Variants in NRK observed in about 807,000 individuals in gnomAD.
The protein encoded by NRK is nik-related protein kinase.
A neutral mutation model predicts 125.2 loss-of-function variants in NRK; 67 were observed. That is an observed-to-expected ratio of 0.54 (90% confidence interval 0.44 to 0.66). The LOEUF is 0.66. Ranked by LOEUF, NRK falls within the 30% of genes least tolerant of loss-of-function variation. The probability of loss-of-function intolerance (pLI) is 0.00; values close to 1 mark genes in which losing one functional copy is unlikely to be tolerated. For missense variants in NRK, 1,224 were observed against 1,192.9 expected (o/e 1.03, Z -0.38); for synonymous variants, 458 against 429.0 (o/e 1.07, Z -0.84).
chrX:105,946,295 A>G lies in NRK; in HGVS notation c.4204-20A>G. The G allele has an allele frequency of 8.5e-7, 1 of 1,175,899 alleles. No individual in the cohort carries two copies. The highest frequency in any genetic ancestry group is 1.1e-6 in the Non-Finnish European group (1 of 873,798). ...ATGTCATTTTTGGCCTTTTGGCCAT[A>G]TTTGGTTTTATATTCACAGGTATTT... On this transcript the variant is annotated intron_variant, in intron 25 of 28. Transcript: ENST00000243300.
In NRK at chrX:105,922,072, A is replaced by G. The variant is rs751343672; in HGVS notation, c.2610+11A>G. The G allele has an allele frequency of 9.4e-6, 8 of 854,375 alleles. 1 individual carries two copies. The South Asian group carries it at 1.8e-4, about 19-fold the overall frequency. 70.4% of individuals were successfully genotyped at this position (854,375 alleles called of 1,213,427 possible). A position where few individuals can be genotyped will look rare whatever the true frequency, so the allele number is the denominator to read the frequency against. On this transcript the variant is annotated intron_variant, in intron 17 of 28. Transcript: ENST00000243300. ...CTGGTTGACATCCATGTAAGTTTCC[A>G]TCTTAACACATTAATGTCTATTATT...
rs1163929107 is a variant in NRK at position 105,909,812 on chromosome X, G to A, written c.2171G>A (p.Arg724Lys). 8.5e-7 allele frequency: 1 copy of A among 1,182,153 alleles called. No individual in the cohort carries two copies. Among genetic ancestry groups the A allele is most frequent in the Non-Finnish European group, 1.1e-6 (1 of 878,845 alleles). Reference sequence around the variant, plus strand: ...GAACTCTCGGATTTAGAAGCCCGCAGGCAAAGGCGCCAACGCAGATGGGAA... The same window carrying A: ...GAACTCTCGGATTTAGAAGCCCGCAAGCAAAGGCGCCAACGCAGATGGGAA... The part of the protein sequence containing the change: ...KLELSDLEAR[R>K]QRRQRRWEDI... The change falls in exon 13 of 29, where the codon AGG becomes AAG. Residue 724 changes from arginine to lysine, a missense_variant. Physicochemically the swap from Arg to Lys is conservative, Grantham distance 26 (BLOSUM62 2). Coordinates refer to ENST00000243300, the MANE Select transcript of NRK (RefSeq NM_198465.4).
At chrX:105,898,793 A>T in intron 8 of NRK, 79 bp downstream of exon 8, 1 of 854,191 alleles carries the variant, frequency 1.2e-6, no homozygotes, top group Non-Finnish European at 1.6e-6. Flanking sequence ...ATGATAAAAC[A>T]AAAAATAAAA....
Position 105,881,764 on chromosome X carries a change from T to G in NRK, c.237T>G (p.Val79=), listed in dbSNP as rs201160604. ...GAGTGAATAAATATCAAAAATCTGTTGGGTGGAGATACAGTGTGAGTACTA... is the reference window on the plus strand; with the variant it reads ...GAGTGAATAAATATCAAAAATCTGTGGGGTGGAGATACAGTGTGAGTACTA... The part of the protein sequence containing the change: ...RVRVNKYQKS[V]GWRYSDEEED... Residue 79 remains valine, a synonymous_variant, in exon 4 of 29, where the codon GTT becomes GTG. Coordinates refer to ENST00000243300, the MANE Select transcript of NRK (RefSeq NM_198465.4). 4.4e-6 allele frequency: 5 copies of G among 1,123,708 alleles called. No homozygotes were observed. The highest frequency in any genetic ancestry group is 2.4e-4 in the Middle Eastern group (1 of 4,145). 92.6% of individuals were successfully genotyped at this position (1,123,708 alleles called of 1,213,427 possible). A position where few individuals can be genotyped will look rare whatever the true frequency, so the allele number is the denominator to read the frequency against.
chrX:105,894,030 T>C (rs2040048770), intron 6 of NRK, 88 bp downstream of exon 6: 1 of 466,609 alleles, frequency 2.1e-6, no homozygotes, highest in Non-Finnish European at 3.4e-6. Flanking sequence ...TCACATCAGA[T>C]AGTTTAGGTA....
intron 6 of NRK, among the ~76,000 whole-genome samples, chrX:105,894,352 T>G (rs777236670): frequency 8.9e-6 from 1 of 112,318 alleles, no homozygotes; most frequent in Admixed American, 9.5e-5. Flanking sequence ...TGTAGCCTTT[T>G]GGCAGACAAA....
chrX:105,953,046 C>T lies in NRK; in HGVS notation c.4526C>T (p.Thr1509Ile). Reference protein sequence around the residue: ...DIPSSIAFECTQRTTGWGQKA... With the variant: ...DIPSSIAFECIQRTTGWGQKA... The stretch of plus-strand genomic sequence containing the variant: ...ATTTGTATTGTAGCTTTTGAATGTA[C>T]ACAGCGAACCACAGGATGGGGCCAA... The change falls in exon 28 of 29, where the codon ACA becomes ATA. Residue 1509 changes from threonine to isoleucine, a missense_variant. By Grantham distance (89) the Thr-to-Ile change is moderately conservative. Coordinates refer to ENST00000243300, the MANE Select transcript of NRK (RefSeq NM_198465.4). The T allele has an allele frequency of 1.7e-6, 2 of 1,174,875 alleles. No homozygotes were observed. Among genetic ancestry groups the T allele is most frequent in the Non-Finnish European group, 2.3e-6 (2 of 872,243 alleles).
chrX:105,831,533 CAT>C (rs1384275913), intron 2 of NRK, among the ~76,000 whole-genome samples: 2 of 111,967 alleles, frequency 1.8e-5, no homozygotes, highest in Non-Finnish European at 3.8e-5. Flanking sequence ...TGAGTGTGCA[CAT>C]GTGTGATAAA....
chrX:105,943,625 A>T (rs980424488), intron 23 of NRK, among the ~76,000 whole-genome samples: 2 of 112,243 alleles, frequency 1.8e-5, no homozygotes, highest in African/African-American at 6.5e-5. Context: ...CCGTATTGCT[A>T]TTTCAACAAT....
intron 7 of NRK, 65 bp downstream of exon 7, chrX:105,895,588 A>T (rs1042933235): frequency 1.4e-6 from 1 of 732,582 alleles, no homozygotes; most frequent in Non-Finnish European, 2.1e-6. Flanking sequence ...CTTTAAGATA[A>T]CTATGCTTTC....
chrX:105,955,527 G>T lies in NRK; in HGVS notation c.4676G>T (p.Arg1559Leu). 1 of 1,189,115 alleles carries T rather than the reference G, an allele frequency of 8.4e-7. No homozygotes were observed. The highest frequency in any genetic ancestry group is 1.1e-6 in the Non-Finnish European group (1 of 879,932). ...AAGCTGTTCTTTACCTCTACCCTGCGCAATCACCACAGCCGGGTTTACTTC... is the reference window on the plus strand; with the variant it reads ...AAGCTGTTCTTTACCTCTACCCTGCTCAATCACCACAGCCGGGTTTACTTC... ...GDKLFFTSTL[R>L]NHHSRVYFMT... is the part of the protein sequence containing the mutation. The change falls in exon 29 of 29, where the codon CGC (arginine) becomes CTC (leucine). Residue 1559 changes from arginine to leucine, a missense_variant. Physicochemically the swap from Arg to Leu is moderately radical, Grantham distance 102 (BLOSUM62 -2). Coordinates refer to ENST00000243300, the MANE Select transcript of NRK (RefSeq NM_198465.4).
chrX:105,831,245 A>T, intron 2 of NRK, 126 bp downstream of exon 2: 1 of 467,928 alleles, frequency 2.1e-6, no homozygotes, highest in South Asian at 3.4e-5. Context: ...ATCAAATTAG[A>T]TAGCCCAGTG....
At chrX:105,925,875 T>C (rs779237918) in intron 19 of NRK, among the ~76,000 whole-genome samples, 17 of 111,568 alleles carry the variant, frequency 1.5e-4, no homozygotes, top group Non-Finnish European at 3.0e-4. Flanking sequence ...TGATGCCTTA[T>C]TTTGGCTATT....
intron 19 of NRK, among the ~76,000 whole-genome samples, chrX:105,929,107 T>C (rs1376652943): frequency 8.9e-6 from 1 of 111,946 alleles, no homozygotes; most frequent in Non-Finnish European, 1.9e-5. Flanking sequence ...ATTATTATAT[T>C]GTAGTTTATC....
intron 19 of NRK, among the ~76,000 whole-genome samples, chrX:105,927,112 G>A (rs1302472573): frequency 1.8e-5 from 2 of 110,789 alleles, no homozygotes; most frequent in Non-Finnish European, 3.8e-5. Flanking sequence ...TAGTCCATGA[G>A]CATATGTTGC....
chrX:105,916,267 CAT>C (rs754960133), intron 15 of NRK, among the ~76,000 whole-genome samples: 17 of 110,742 alleles, frequency 1.5e-4, no homozygotes, highest in African/African-American at 5.5e-4. Context: ...AATAAAATAT[CAT>C]ATATAATATT....
intron 11 of NRK, chrX:105,907,325 T>C (rs903268345): frequency 1.8e-5 from 2 of 111,519 alleles, no homozygotes; most frequent in South Asian, 3.7e-4. Context: ...TTATATATTA[T>C]ATTACATATT....
intron 4 of NRK, among the ~76,000 whole-genome samples, chrX:105,883,388 C>T (rs1377662852): frequency 1.8e-5 from 2 of 112,088 alleles, no homozygotes; most frequent in Admixed American, 1.9e-4. Flanking sequence ...TCTAAATTAT[C>T]TTGAATCCTT....
At chrX:105,937,376 G>A in intron 21 of NRK, 63 bp from the exon 22 acceptor site, 1 of 579,822 alleles carries the variant, frequency 1.7e-6, no homozygotes, top group Non-Finnish European at 2.7e-6. Flanking sequence ...AGCAAAAATA[G>A]TAATATAGAT....
Sources: allele counts gnomAD v4.1 joint callset (sites outside exome capture counted in the v4.1 genomes callset), GRCh38; gene constraint gnomAD v4.1.1; transcripts MANE v1.5; gene names NCBI Gene and HGNC (gene_info 2026-07-23, HGNC 2026-07-21).